The following CPNE4 variants were observed in gnomAD, a reference collection of about 807,000 sequenced individuals.
CPNE4 encodes the protein copine-4.
In CPNE4, 25 loss-of-function variants were observed where a neutral mutation model predicts 67.9. The ratio of observed to expected loss-of-function variants is 0.37; its 90% CI spans 0.27 to 0.51. The LOEUF (loss-of-function observed/expected upper bound fraction) is 0.51. Ranked by LOEUF, CPNE4 falls within the 20% of genes least tolerant of loss-of-function variation. CPNE4 has a pLI of 0.93. For missense variants in CPNE4, 464 were observed against 690.8 expected (o/e 0.67, Z 3.68); for synonymous variants, 242 against 244.9 (o/e 0.99, Z 0.11).
intron 13 of CPNE4, among the ~76,000 whole-genome samples, chr3:131,551,115 A>G (rs1352571605): frequency 6.6e-6 from 1 of 152,036 alleles, no homozygotes; most frequent in Non-Finnish European, 1.5e-5. Context: ...GGATCCACAC[A>G]ATTCCCTCCT....
intron 3 of CPNE4, 37 bp downstream of exon 3, chr3:131,723,409 G>A (rs779257321): frequency 1.9e-6 from 3 of 1,589,292 alleles, no homozygotes; most frequent in Non-Finnish European, 2.6e-6. Context: ...AAGGCCCTAG[G>A]ATGGCAAGGA....
At chr3:131,819,456 A>C (rs1046228913) in intron 2 of CPNE4, among the ~76,000 whole-genome samples, 23 of 150,892 alleles carry the variant, frequency 1.5e-4, no homozygotes, top group Non-Finnish European at 5.9e-5. Context: ...ATTTTACAGT[A>C]AAGGGACACC....
chr3:131,588,715 A>T (rs1938343421), intron 7 of CPNE4, among the ~76,000 whole-genome samples: 1 of 151,944 alleles, frequency 6.6e-6, no homozygotes, highest in Non-Finnish European at 1.5e-5. Flanking sequence ...TTGCATCAAC[A>T]CTCATTCAGT....
At chr3:131,977,021 C>T (rs982022658) in intron 1 of CPNE4, among the ~76,000 whole-genome samples, 14 of 151,902 alleles carry the variant, frequency 9.2e-5, no homozygotes, top group Non-Finnish European at 2.1e-4. Context: ...AGGCTGGTCT[C>T]GAACTCCTGA....
chr3:131,799,912 G>A (rs2084032837), intron 2 of CPNE4, among the ~76,000 whole-genome samples: 1 of 65,192 alleles, frequency 1.5e-5, no homozygotes. Context: ...GCGTGTGTGT[G>A]TGTGTGTTGT....
At chr3:131,567,071 CTT>C (rs1203276150) in intron 10 of CPNE4, among the ~76,000 whole-genome samples, 1 of 151,948 alleles carries the variant, frequency 6.6e-6, no homozygotes, top group Non-Finnish European at 1.5e-5. Flanking sequence ...GCTTCTGCCT[CTT>C]GATACTAAAG....
intron 2 of CPNE4, among the ~76,000 whole-genome samples, chr3:131,895,622 T>C (rs897442238): frequency 1.3e-5 from 2 of 152,152 alleles, no homozygotes; most frequent in East Asian, 3.9e-4. Flanking sequence ...AAACTACAAG[T>C]TAATCCATTT....
intron 7 of CPNE4, among the ~76,000 whole-genome samples, chr3:131,631,914 G>A (rs952949844): frequency 1.2e-4 from 14 of 112,578 alleles, no homozygotes; most frequent in Non-Finnish European, 2.2e-4. Flanking sequence ...CTTTTTTTTT[G>A]AGACAGAGTC....
chr3:131,656,910 G>A (rs963579846), intron 7 of CPNE4, among the ~76,000 whole-genome samples: 1 of 152,066 alleles, frequency 6.6e-6, no homozygotes, highest in African/African-American at 2.4e-5. Flanking sequence ...GGGACAGGTG[G>A]GAATTTCAGG....
intron 1 of CPNE4, among the ~76,000 whole-genome samples, chr3:131,984,259 C>A (rs72994820): frequency 0.11 from 17,435 of 152,160 alleles, 3,213 homozygotes; most frequent in African/African-American, 0.39. Flanking sequence ...CTGAACTGCA[C>A]TGCCTCTAGA....
At chr3:131,869,470 G>A (rs1301774511) in intron 2 of CPNE4, among the ~76,000 whole-genome samples, 1 of 152,154 alleles carries the variant, frequency 6.6e-6, no homozygotes, top group African/African-American at 2.4e-5. Flanking sequence ...CAAAACAGCT[G>A]TGATAGCCCA....
intron 2 of CPNE4, among the ~76,000 whole-genome samples, chr3:131,753,457 C>CA (rs2082678567): frequency 6.6e-6 from 1 of 151,766 alleles, no homozygotes; most frequent in Non-Finnish European, 1.5e-5. Context: ...TCTGTGTGAC[C>CA]AAAAATCTCA....
intron 1 of CPNE4, among the ~76,000 whole-genome samples, chr3:132,005,338 TATATACACACACACAC>T (rs1267459110): frequency 4.7e-3 from 140 of 29,674 alleles, no homozygotes; most frequent in African/African-American, 0.022. Flanking sequence ...TATATATATA[TATATACACACACACAC>T]ACACACACAC....
In CPNE4 at chr3:131,993,892, C is replaced by A. The variant is rs1346274742; in HGVS notation, c.-2+40675G>T. 2.2e-5 allele frequency among the ~76,000 whole-genome samples: 3 copies of A among 135,484 alleles called. 1 individual carries two copies. Among genetic ancestry groups the A allele is most frequent in the Non-Finnish European group, 3.3e-5 (2 of 59,742 alleles). The allele number at this position is 135,484 out of a possible 152,430, so 88.9% of individuals were successfully genotyped here. The stretch of plus-strand genomic sequence containing the variant: ...AAACAAGAAACAATGCTGTCTCTGT[C>A]CTCAAATAAAATGATTATTTACATA... On this transcript the variant is annotated intron_variant, in intron 1 of 15. Coordinates refer to ENST00000429747, the MANE Select transcript of CPNE4 (RefSeq NM_130808.3).
chr3:131,534,957 T>C lies in CPNE4; in HGVS notation c.*238A>G. ...AGGCGACATGCTGTAATGTAAATAG[T>C]AAGTTATTGTTATCTGTGTTTCTTT... On this transcript the variant is annotated 3_prime_UTR_variant, in exon 16 of 16. Coordinates refer to ENST00000429747, the MANE Select transcript of CPNE4 (RefSeq NM_130808.3). 3.0e-6 allele frequency: 1 copy of C among 337,598 alleles called. No homozygotes were observed. 20.9% of individuals were successfully genotyped at this position (337,598 alleles called of 1,614,324 possible).
At position 131,555,558 on chromosome 3, in the gene CPNE4, C is replaced by T. The variant is rs369567326; in HGVS notation, c.1062-7G>A. The T allele has an allele frequency of 1.2e-6, 2 of 1,611,480 alleles. No homozygotes were observed. The highest frequency in any genetic ancestry group is 2.2e-5 in the South Asian group (2 of 90,742). ...GGCAGGGAACATTTTGTCACTGAAA[C>T]CAAAATGAAGAAAAGAAAAAACAAG... On this transcript the variant is annotated splice_region_variant and splice_polypyrimidine_tract_variant and intron_variant, in intron 11 of 15. Coordinates refer to ENST00000429747, the MANE Select transcript of CPNE4 (RefSeq NM_130808.3).
rs72999204 is a variant in CPNE4 at position 131,565,640 on chromosome 3, T to A, written c.928-1291A>T. 1.6e-3 allele frequency among the ~76,000 whole-genome samples: 251 copies of A among 152,148 alleles called. 2 individuals carry two copies. Among genetic ancestry groups the A allele is most frequent in the African/African-American group, 5.0e-3 (206 of 41,556 alleles). On this transcript the variant is annotated intron_variant, in intron 10 of 15. Coordinates refer to ENST00000429747, the MANE Select transcript of CPNE4 (RefSeq NM_130808.3). Reference sequence around the variant, plus strand: ...GGCTAACATTAATTCATTTATAGGCTTTTTTCTTTTCTTTCATGAAATTAC... The same window carrying A: ...GGCTAACATTAATTCATTTATAGGCATTTTTCTTTTCTTTCATGAAATTAC...
Position 132,034,616 on chromosome 3 carries a change from G to C in CPNE4, c.-51C>G. 1.0e-6 allele frequency: 1 copy of C among 985,466 alleles called. No homozygotes were observed. Among genetic ancestry groups the C allele is most frequent in the Non-Finnish European group, 1.2e-6 (1 of 830,044 alleles). 61.0% of individuals were successfully genotyped at this position (985,466 alleles called of 1,614,324 possible). ...GGAGAGAGAATTCAGCCCGGGACGA[G>C]GTCTGTCCCGCCCCCAGGATGCAAA... On this transcript the variant is annotated 5_prime_UTR_variant, in exon 1 of 16. Transcript: ENST00000429747.
At chr3:131,785,367 C>T (rs144570361) in intron 2 of CPNE4, among the ~76,000 whole-genome samples, 12 of 152,114 alleles carry the variant, frequency 7.9e-5, no homozygotes, top group African/African-American at 2.4e-4. Context: ...TTCCAGATAC[C>T]GGCTTCATTA....
Sources: gnomAD v4.1 joint callset for allele counts (sites outside exome capture counted in the v4.1 genomes callset) on GRCh38, gnomAD v4.1.1 for gene constraint, MANE v1.5 for transcripts, NCBI Gene and HGNC (gene_info 2026-07-23, HGNC 2026-07-21) for gene names.